EVC2: variants seen among roughly 807,000 people sequenced by gnomAD.
EVC2 encodes EvC ciliary complex subunit 2, also known as limbin.
A neutral mutation model predicts 149.3 loss-of-function variants in EVC2; 148 were observed. That is an observed-to-expected ratio of 0.99 (90% CI 0.87 to 1.14). The LOEUF is 1.14. EVC2 is among the 50% of genes most tolerant of loss of function. The pLI, the probability that EVC2 is intolerant of heterozygous loss-of-function variation, is 0.00. For missense variants in EVC2, 1,854 were observed against 1,627.3 expected (o/e 1.14, Z -2.40); for synonymous variants, 776 against 649.9 (o/e 1.19, Z -2.95).
intron 1 of EVC2, among the ~76,000 whole-genome samples, chr4:5,701,336 T>C (rs531149769): frequency 1.1e-4 from 16 of 152,342 alleles, no homozygotes; most frequent in African/African-American, 3.8e-4. Flanking sequence ...TTGTATAATG[T>C]CAATTCCCAT....
chr4:5,592,829 C>T (rs4539986), intron 16 of EVC2, among the ~76,000 whole-genome samples: 3,418 of 152,190 alleles, frequency 0.022, 121 homozygotes, highest in African/African-American at 0.077. Flanking sequence ...GTGAACAGCC[C>T]GCCCCAAGGG....
intron 16 of EVC2, 152 bp downstream of exon 16, chr4:5,615,270 C>A: frequency 7.5e-7 from 1 of 1,329,944 alleles, no homozygotes; most frequent in Non-Finnish European, 1.0e-6. Context: ...GGTCTTCCAA[C>A]TCTTTCTTAC....
downstream of EVC2, among the ~76,000 whole-genome samples, chr4:5,557,675 A>T (rs1721861119): frequency 6.6e-6 from 1 of 152,142 alleles, no homozygotes; most frequent in Non-Finnish European, 1.5e-5. Context: ...CCAAAAACAA[A>T]CAAACAAAAA....
At chr4:5,706,100 TCTC>T (rs1722113710) in intron 1 of EVC2, among the ~76,000 whole-genome samples, 1 of 151,876 alleles carries the variant, frequency 6.6e-6, no homozygotes. Context: ...TGGGATGTTC[TCTC>T]CTGACTCCTT....
intron 16 of EVC2, among the ~76,000 whole-genome samples, chr4:5,586,577 A>G (rs962836893): frequency 6.6e-6 from 1 of 152,112 alleles, no homozygotes; most frequent in African/African-American, 2.4e-5. Context: ...CATAAGAAAC[A>G]TTTACAATCG....
In EVC2 at chr4:5,691,161, T is replaced by C. The variant is rs1409649037; in HGVS notation, c.519+104A>G. The C allele has an allele frequency of 1.2e-5, 12 of 1,022,362 alleles. No homozygotes were observed. In the East Asian group the frequency reaches 1.7e-4, roughly 14 times the overall value. 63.3% of individuals were successfully genotyped at this position (1,022,362 alleles called of 1,614,324 possible). A position where few individuals can be genotyped will look rare whatever the true frequency, so the allele number is the denominator to read the frequency against. ...GCTCATGTGTCTAGACTTGTGTAGGTAAGCCCATGATTTATCAGTTCTTAA... is the reference window on the plus strand; with the variant it reads ...GCTCATGTGTCTAGACTTGTGTAGGCAAGCCCATGATTTATCAGTTCTTAA... On this transcript the variant is annotated intron_variant, in intron 4 of 21. Transcript: ENST00000344408.
At chr4:5,697,691 C>T in intron 1 of EVC2, 44 bp from the exon 2 acceptor site, 1 of 1,531,900 alleles carries the variant, frequency 6.5e-7, no homozygotes. Context: ...ACACATACTT[C>T]TGAGAAGTGA....
intron 15 of EVC2, among the ~76,000 whole-genome samples, chr4:5,616,721 A>C (rs1442761838): frequency 6.6e-6 from 1 of 152,220 alleles, no homozygotes; most frequent in Non-Finnish European, 1.5e-5. Context: ...TGAGCAAGCG[A>C]AGGGAGCTGC....
chr4:5,647,990 C>T (rs1267947652), intron 9 of EVC2, among the ~76,000 whole-genome samples: 1 of 151,984 alleles, frequency 6.6e-6, no homozygotes, highest in Non-Finnish European at 1.5e-5. Flanking sequence ...CCGGAAAAGG[C>T]CAGGAAGGGA....
At chr4:5,565,816 A>G (rs1009872083) in intron 20 of EVC2, among the ~76,000 whole-genome samples, 1 of 152,152 alleles carries the variant, frequency 6.6e-6, no homozygotes, top group African/African-American at 2.4e-5. Flanking sequence ...ACATCCATCA[A>G]ACGCCTTCTG....
intron 9 of EVC2, among the ~76,000 whole-genome samples, chr4:5,642,827 G>A (rs1717435901): frequency 6.6e-6 from 1 of 152,128 alleles, no homozygotes; most frequent in Non-Finnish European, 1.5e-5. Context: ...ATTTGCAAGG[G>A]CTTAAGTATA....
intron 9 of EVC2, among the ~76,000 whole-genome samples, chr4:5,647,267 G>A (rs919644442): frequency 7.9e-5 from 12 of 152,308 alleles, no homozygotes; most frequent in African/African-American, 2.6e-4. Flanking sequence ...AGTCCTGTGA[G>A]TCCAAATGTG....
intron 9 of EVC2, among the ~76,000 whole-genome samples, chr4:5,660,518 G>T (rs193007072): frequency 1.7e-3 from 254 of 152,306 alleles, no homozygotes; most frequent in African/African-American, 5.8e-3. Flanking sequence ...GACCCAGGGA[G>T]ATAGGATCAG....
chr4:5,629,657 A>C (rs1373952588), intron 11 of EVC2, among the ~76,000 whole-genome samples: 3 of 152,238 alleles, frequency 2.0e-5, no homozygotes, highest in Non-Finnish European at 4.4e-5. Context: ...TAACATCTCC[A>C]CATCTCAACA....
chr4:5,603,803 G>T (rs969671978), intron 16 of EVC2, among the ~76,000 whole-genome samples: 2 of 152,186 alleles, frequency 1.3e-5, no homozygotes, highest in Non-Finnish European at 2.9e-5. Context: ...AACGGGTGAA[G>T]AGGAAATATG....
At chr4:5,582,573 T>C (rs1356975415) in intron 17 of EVC2, among the ~76,000 whole-genome samples, 1 of 152,234 alleles carries the variant, frequency 6.6e-6, no homozygotes, top group African/African-American at 2.4e-5. Context: ...GGACTTATAA[T>C]TGTCTCAGAT....
intron 15 of EVC2, among the ~76,000 whole-genome samples, chr4:5,615,991 C>G (rs375160821): frequency 6.6e-6 from 1 of 152,214 alleles, no homozygotes; most frequent in Non-Finnish European, 1.5e-5. Flanking sequence ...AGCAGAGCCA[C>G]GTTGGCGGAC....
Position 5,569,005 on chromosome 4 carries a change from G to C in EVC2, c.3361-365C>G, listed in dbSNP as rs1372567870. ...GCACCAGGCGAGCAGTGCAGGCTCT[G>C]GAAACAACAGAAGTGTCCCTAAACC... On this transcript the variant is annotated intron_variant, in intron 19 of 21. Transcript: ENST00000344408. This position sits in a 1 kb window ranked among gnomAD's most constrained non-coding sequence, Gnocchi z 4.8. Among the ~76,000 whole-genome samples the C allele has an allele frequency of 6.6e-6, 1 of 152,180 alleles. No homozygotes were observed. The highest frequency in any genetic ancestry group is 1.5e-5 in the Non-Finnish European group (1 of 68,038).
At chr4:5,635,025 T>C (rs996551113) in intron 10 of EVC2, among the ~76,000 whole-genome samples, 5 of 143,220 alleles carry the variant, frequency 3.5e-5, no homozygotes, top group African/African-American at 1.3e-4. Context: ...TGTCAACAAA[T>C]GTGCTTTTTT....
Sources: allele counts gnomAD v4.1 joint callset (sites outside exome capture counted in the v4.1 genomes callset), GRCh38; gene constraint gnomAD v4.1.1; non-coding constraint Gnocchi (gnomAD v3.1); transcripts MANE v1.5; gene names NCBI Gene and HGNC (gene_info 2026-07-23, HGNC 2026-07-21).